The following SLC12A7 variants were observed in gnomAD, a reference collection of about 807,000 sequenced individuals.
SLC12A7 encodes the protein K-Cl cotransporter 4.
SLC12A7 carries 100 observed loss-of-function variants against 120.6 expected under a neutral mutation model. That is an observed-to-expected ratio of 0.83 (90% CI 0.71 to 0.98). SLC12A7 has a LOEUF of 0.98. Ranked by LOEUF, SLC12A7 falls within the 50% of genes least tolerant of loss-of-function variation. The pLI, the probability that SLC12A7 is intolerant of heterozygous loss-of-function variation, is 0.00. For missense variants in SLC12A7, 1,373 were observed against 1,548.1 expected (o/e 0.89, Z 1.90); for synonymous variants, 760 against 678.0 (o/e 1.12, Z -1.88).
At chr5:1,105,187 T>A (rs1742403613) in intron 1 of SLC12A7, among the ~76,000 whole-genome samples, 1 of 139,674 alleles carries the variant, frequency 7.2e-6, no homozygotes, top group Non-Finnish European at 1.5e-5. Flanking sequence ...GATGAGGTCC[T>A]GCAGTCACCC....
At chr5:1,096,943 G>A (rs1010244483) in intron 1 of SLC12A7, among the ~76,000 whole-genome samples, 24 of 151,188 alleles carry the variant, frequency 1.6e-4, no homozygotes, top group Admixed American at 1.5e-3. Context: ...GGAGAGACCC[G>A]AGGGTTTCGG....
At chr5:1,129,181 A>C in the SLC12A7 span, among the ~76,000 whole-genome samples, 14 of 152,148 alleles carry the variant, frequency 9.2e-5, no homozygotes, top group Non-Finnish European at 1.9e-4. Context: ...TAGACACACG[A>C]GGACACCCCT....
intron 1 of SLC12A7, among the ~76,000 whole-genome samples, chr5:1,097,617 C>T (rs1741400760): frequency 6.6e-6 from 1 of 152,232 alleles, no homozygotes; most frequent in Non-Finnish European, 1.5e-5. Flanking sequence ...GCCAGCGAGG[C>T]ACGACTCTGT....
upstream of SLC12A7, among the ~76,000 whole-genome samples, chr5:1,115,260 G>A (rs1254720451): frequency 6.6e-6 from 1 of 152,216 alleles, no homozygotes; most frequent in Non-Finnish European, 1.5e-5. Context: ...GTTACATTCT[G>A]TGTGTAGATT....
the SLC12A7 span, among the ~76,000 whole-genome samples, chr5:1,117,207 G>A: frequency 1.3e-5 from 2 of 152,160 alleles, no homozygotes; most frequent in Non-Finnish European, 1.5e-5. The surrounding 1 kb of genome is among the most constrained non-coding windows in gnomAD (Gnocchi z 4.5). Flanking sequence ...TGGCCTGCGG[G>A]GGTGGGGGTG....
intron 22 of SLC12A7, among the ~76,000 whole-genome samples, chr5:1,053,823 G>A (rs116604890): frequency 6.6e-6 from 1 of 152,356 alleles, no homozygotes; most frequent in African/African-American, 2.4e-5. Flanking sequence ...AGGCAGAACA[G>A]TGGAAGCCGT....
At chr5:1,094,723 C>T (rs1424234942) in intron 1 of SLC12A7, among the ~76,000 whole-genome samples, 4 of 152,186 alleles carry the variant, frequency 2.6e-5, no homozygotes, top group East Asian at 3.9e-4. Flanking sequence ...CACCTCCTAG[C>T]CTTGCTGCTT....
At chr5:1,062,347 T>C (rs1375698761) in intron 20 of SLC12A7, among the ~76,000 whole-genome samples, 2 of 152,172 alleles carry the variant, frequency 1.3e-5, no homozygotes, top group African/African-American at 4.8e-5. Flanking sequence ...GCACCAATAA[T>C]AACCCCTACA....
At chr5:1,129,569 G>C in the SLC12A7 span, among the ~76,000 whole-genome samples, 1 of 152,152 alleles carries the variant, frequency 6.6e-6, no homozygotes, top group Non-Finnish European at 1.5e-5. Context: ...ACAGGGTGGA[G>C]GGCGGCTCCA....
At chr5:1,057,233 G>A (rs752731274) in intron 22 of SLC12A7, 17 of 491,584 alleles carry the variant, frequency 3.5e-5, no homozygotes, top group African/African-American at 5.9e-5. Flanking sequence ...AAGGACTCCC[G>A]GCCTTGGCAC....
At chr5:1,096,902 G>A (rs1470152872) in intron 1 of SLC12A7, among the ~76,000 whole-genome samples, 1 of 142,646 alleles carries the variant, frequency 7.0e-6, no homozygotes, top group African/African-American at 2.6e-5. Context: ...AGGAGGGAGG[G>A]AGGAAGGGAG....
chr5:1,111,755 A>C, intron 1 of SLC12A7, 113 bp downstream of exon 1: 2 of 1,033,778 alleles, frequency 1.9e-6, no homozygotes, highest in Non-Finnish European at 1.2e-6. Flanking sequence ...GGGCGCGGGA[A>C]GGGGCGCCTC....
the SLC12A7 span, among the ~76,000 whole-genome samples, chr5:1,121,232 C>T: frequency 6.6e-6 from 1 of 152,140 alleles, no homozygotes; most frequent in Non-Finnish European, 1.5e-5. Flanking sequence ...AGTGTCTGGC[C>T]AGTGTGGTCC....
the SLC12A7 span, among the ~76,000 whole-genome samples, chr5:1,135,397 GTTTC>G: frequency 7.8e-6 from 1 of 128,538 alleles, no homozygotes; most frequent in Admixed American, 8.1e-5. Flanking sequence ...CACTAGGCCC[GTTTC>G]CAGGGCCTTG....
rs1048699013 is a variant in SLC12A7, at chr5:1,074,155, G to GC, written c.2073-355dup. On this transcript the variant is annotated intron_variant, in intron 16 of 23. Transcript: ENST00000264930. The stretch of plus-strand genomic sequence containing the variant: ...CAATGGCCCAGGACACACACCTGAA[G>GC]CCCCCACCGAGGCCCTGAGGGGACA... Among the ~76,000 whole-genome samples, 11 of 152,242 alleles carry GC rather than the reference G, an allele frequency of 7.2e-5. 1 individual carries two copies. Among genetic ancestry groups the GC allele is most frequent in the African/African-American group, 2.6e-4 (11 of 41,546 alleles).
At chr5:1,066,067 G>T (rs934000664) in intron 17 of SLC12A7, among the ~76,000 whole-genome samples, 1 of 152,110 alleles carries the variant, frequency 6.6e-6, no homozygotes, top group Non-Finnish European at 1.5e-5. Flanking sequence ...GTGCGTGGCC[G>T]AGGACCTGCC....
chr5:1,076,195 G>A lies in SLC12A7; in HGVS notation c.1790C>T (p.Ala597Val). 6.2e-7 allele frequency: 1 copy of A among 1,612,366 alleles called. No homozygotes were observed. Among genetic ancestry groups the A allele is most frequent in the Non-Finnish European group, 8.5e-7 (1 of 1,179,650 alleles). Residue 597 changes from alanine (A) to valine (V), a missense_variant, in exon 14 of 24, where the codon GCC becomes GTC. Ala to Val is a moderately conservative substitution (Grantham distance 64, BLOSUM62 0). Coordinates refer to ENST00000264930, the MANE Select transcript of SLC12A7 (RefSeq NM_006598.3). The part of the protein sequence containing the change: ...MCYLFVNLAC[A>V]VQTLLRTPNW... ...GGGGGTACGTAGCAGGGTCTGCACG[G>A]CGCAGGCCAGGTTCACGAACAGGTA...
chr5:1,123,439 G>A, the SLC12A7 span, among the ~76,000 whole-genome samples: 1 of 152,240 alleles, frequency 6.6e-6, no homozygotes, highest in East Asian at 1.9e-4. Flanking sequence ...GCGCACTAGA[G>A]CTCACATCTA....
rs55973529 is a variant in SLC12A7 at position 1,077,707 on chromosome 5, A to C, written c.1629+126T>G. The stretch of plus-strand genomic sequence containing the variant: ...TGCTCTGTGCAGTGGCCAGGGGCAG[A>C]ATGACCACCATGGGGTCCAAGCCGC... On this transcript the variant is annotated intron_variant, in intron 12 of 23. Transcript: ENST00000264930. 410,847 of 1,012,380 alleles carry C rather than the reference A, an allele frequency of 0.41. 87,926 individuals carry two copies. The highest frequency in any genetic ancestry group is 0.44 in the Non-Finnish European group (318,575 of 717,452). 62.7% of individuals were successfully genotyped at this position (1,012,380 alleles called of 1,614,324 possible). A position where few individuals can be genotyped will look rare whatever the true frequency, so the allele number is the denominator to read the frequency against.
Sources: gnomAD v4.1 joint callset for allele counts (sites outside exome capture counted in the v4.1 genomes callset) on GRCh38, gnomAD v4.1.1 for gene constraint, Gnocchi (gnomAD v3.1) non-coding constraint, MANE v1.5 for transcripts, NCBI Gene and HGNC (gene_info 2026-07-23, HGNC 2026-07-21) for gene names.